Variants in ASTN2 observed in about 807,000 individuals in gnomAD.
ASTN2 encodes astrotactin-2.
In ASTN2, 54 loss-of-function variants were observed where a neutral mutation model predicts 139.8. The observed-to-expected ratio is 0.39, with a 90% CI of 0.31 to 0.48. The LOEUF is 0.48. ASTN2 is among the 20% of genes least tolerant of loss of function. The pLI is 0.95. For missense variants in ASTN2, 1,565 were observed against 1,725.1 expected (o/e 0.91, Z 1.64); for synonymous variants, 756 against 719.5 (o/e 1.05, Z -0.81).
chr9:117,087,296 G>T (rs550355270), intron 5 of ASTN2, among the ~76,000 whole-genome samples: 16 of 151,898 alleles, frequency 1.1e-4, no homozygotes, highest in Admixed American at 7.2e-4. Flanking sequence ...GTGCAGAGGT[G>T]CAATCATGGC....
chr9:117,088,703 C>T (rs1258139284), intron 5 of ASTN2, among the ~76,000 whole-genome samples: 1 of 152,158 alleles, frequency 6.6e-6, no homozygotes, highest in African/African-American at 2.4e-5. Flanking sequence ...GTTCTCTCTG[C>T]TGGAGAACTA....
intron 10 of ASTN2, among the ~76,000 whole-genome samples, chr9:116,921,141 G>C (rs1439216231): frequency 2.6e-5 from 4 of 152,084 alleles, no homozygotes; most frequent in African/African-American, 4.8e-5. Flanking sequence ...AGAGAGATGG[G>C]GGAGGTACCA....
At chr9:116,638,939 T>A (rs1458003924) in intron 17 of ASTN2, among the ~76,000 whole-genome samples, 2 of 152,202 alleles carry the variant, frequency 1.3e-5, no homozygotes, top group Non-Finnish European at 2.9e-5. Context: ...GTTTAAGAGA[T>A]AAGGATTTTA....
chr9:116,727,743 G>C (rs1828670237), intron 15 of ASTN2, among the ~76,000 whole-genome samples: 1 of 152,060 alleles, frequency 6.6e-6, no homozygotes. Context: ...TTCATTCCCT[G>C]CTCTGCCACT....
At chr9:117,171,253 C>G (rs1311931966) in intron 3 of ASTN2, among the ~76,000 whole-genome samples, 2 of 152,144 alleles carry the variant, frequency 1.3e-5, no homozygotes, top group African/African-American at 4.8e-5. Context: ...TGCAGGTATG[C>G]AATGCCTCAC....
intron 5 of ASTN2, among the ~76,000 whole-genome samples, chr9:117,058,590 C>T (rs1839137637): frequency 6.6e-6 from 1 of 152,184 alleles, no homozygotes; most frequent in Admixed American, 6.5e-5. Context: ...CAAGGTATAG[C>T]CTCTGAAACT....
chr9:116,965,049 C>T (rs1835977008), intron 10 of ASTN2, among the ~76,000 whole-genome samples: 1 of 152,218 alleles, frequency 6.6e-6, no homozygotes, highest in Non-Finnish European at 1.5e-5. Context: ...AGATGGCAAA[C>T]ACATGACCCT....
intron 3 of ASTN2, among the ~76,000 whole-genome samples, chr9:117,170,183 C>A (rs1830758777): frequency 6.6e-6 from 1 of 152,040 alleles, no homozygotes; most frequent in Admixed American, 6.6e-5. Context: ...ACATAGTAGG[C>A]ACTAAATAAA....
chr9:116,427,039 G>A (rs1271270213), intron 22 of ASTN2, among the ~76,000 whole-genome samples: 1 of 152,174 alleles, frequency 6.6e-6, no homozygotes, highest in Non-Finnish European at 1.5e-5. Flanking sequence ...GCACGAGAGA[G>A]GGGAGCTGGG....
intron 10 of ASTN2, among the ~76,000 whole-genome samples, chr9:116,896,012 C>T (rs753093732): frequency 9.9e-5 from 15 of 152,128 alleles, no homozygotes; most frequent in Non-Finnish European, 2.1e-4. Flanking sequence ...GCAAGACAAA[C>T]AAATAAACAA....
At chr9:116,754,273 G>C (rs770821937) in intron 13 of ASTN2, among the ~76,000 whole-genome samples, 1 of 152,056 alleles carries the variant, frequency 6.6e-6, no homozygotes, top group South Asian at 2.1e-4. Context: ...ATAAACATAC[G>C]TGTGCATGTG....
chr9:117,373,354 A>G (rs1424894468), intron 1 of ASTN2, among the ~76,000 whole-genome samples: 3 of 152,178 alleles, frequency 2.0e-5, no homozygotes, highest in Non-Finnish European at 2.9e-5. Flanking sequence ...ATTTGAGAAC[A>G]TGTTTATCTG....
chr9:117,114,813 G>GTCAC (rs1482336592), intron 4 of ASTN2, among the ~76,000 whole-genome samples: 2 of 152,162 alleles, frequency 1.3e-5, no homozygotes, highest in South Asian at 4.1e-4. Flanking sequence ...ACAGAAACCA[G>GTCAC]TCACTATCCA....
chr9:117,289,689 A>G (rs897864666), intron 2 of ASTN2, among the ~76,000 whole-genome samples: 4 of 152,210 alleles, frequency 2.6e-5, no homozygotes, highest in Non-Finnish European at 5.9e-5. Flanking sequence ...CCCACACCCC[A>G]TGAGGAACTC....
intron 4 of ASTN2, among the ~76,000 whole-genome samples, chr9:117,110,978 A>T (rs1829234874): frequency 6.6e-6 from 1 of 152,096 alleles, no homozygotes; most frequent in African/African-American, 2.4e-5. Flanking sequence ...TGACCTCTGG[A>T]CTACACATGT....
chr9:116,848,065 G>A (rs900962156), intron 11 of ASTN2, among the ~76,000 whole-genome samples: 21 of 152,142 alleles, frequency 1.4e-4, no homozygotes, highest in African/African-American at 4.8e-5. Context: ...GGTTCAAGGC[G>A]CTGGGAGGAA....
At position 117,315,769 on chromosome 9, in the gene ASTN2, G is replaced by C. The variant is rs543264193; in HGVS notation, c.443-24256C>G. On this transcript the variant is annotated intron_variant, in intron 1 of 22. Transcript: ENST00000313400. ...CTGATTCTCGTTGAGATTCATGTTTGCCTGAAGGTCTTTTTAATTTAAAGT... is the reference window on the plus strand; with the variant it reads ...CTGATTCTCGTTGAGATTCATGTTTCCCTGAAGGTCTTTTTAATTTAAAGT... 3.9e-5 allele frequency among the ~76,000 whole-genome samples: 6 copies of C among 152,140 alleles called. No individual in the cohort carries two copies. In the East Asian group the frequency reaches 9.6e-4, roughly 24 times the overall value.
Position 117,414,594 on chromosome 9 carries a change from G to A in ASTN2, c.345C>T (p.Ala115=), listed in dbSNP as rs371965353. The part of the protein sequence containing the change: ...PGSPGSAGTA[A]ESRLLLFVRN... The stretch of plus-strand genomic sequence containing the variant: ...GCACAAAGAGCAGGAGGCGCGACTC[G>A]GCGGCGGTGCCGGCAGAGCCAGGAG... Residue 115 remains alanine, a synonymous_variant, in exon 1 of 23, where the codon GCC becomes GCT. Coordinates refer to ENST00000313400, the MANE Select transcript of ASTN2 (RefSeq NM_001365068.1). The surrounding 1 kb of genome is among the most constrained non-coding windows in gnomAD (Gnocchi z 4.2). 10 of 1,576,284 alleles carry A rather than the reference G, an allele frequency of 6.3e-6. No individual in the cohort carries two copies. The highest frequency in any genetic ancestry group is 2.5e-5 in the East Asian group (1 of 39,762).
chr9:116,726,256 T>C (rs1185061684), intron 15 of ASTN2, among the ~76,000 whole-genome samples: 1 of 152,168 alleles, frequency 6.6e-6, no homozygotes, highest in Admixed American at 6.5e-5. Flanking sequence ...AAAGCTGATA[T>C]CCACTCACTG....
Sources: gnomAD v4.1 joint callset for allele counts (sites outside exome capture counted in the v4.1 genomes callset) on GRCh38, gnomAD v4.1.1 for gene constraint, Gnocchi (gnomAD v3.1) non-coding constraint, MANE v1.5 for transcripts, NCBI Gene and HGNC (gene_info 2026-07-23, HGNC 2026-07-21) for gene names.